RPP14: variants seen among roughly 807,000 people sequenced by gnomAD.
RPP14 encodes ribonuclease P protein subunit p14.
A neutral mutation model predicts 17.8 loss-of-function variants in RPP14; 19 were observed. That is an observed-to-expected ratio of 1.07 (90% CI 0.74 to 1.57). The LOEUF is 1.57. Ranked by LOEUF, RPP14 falls within the 40% of genes most tolerant of loss-of-function variation. The pLI, the probability that RPP14 is intolerant of heterozygous loss-of-function variation, is 0.00. For missense variants in RPP14, 125 were observed against 140.8 expected, an observed-to-expected ratio of 0.89 and a Z score of 0.57; for synonymous variants, 60 against 56.4, an observed-to-expected ratio of 1.06 and a Z score of -0.29.
At chr3:58,316,433 A>G in intron 3 of RPP14, 82 bp from the exon 4 acceptor site, 1 of 1,310,744 alleles carries the variant, frequency 7.6e-7, no homozygotes, top group South Asian at 1.2e-5. Context: ...GAAAAGCTCA[A>G]AACTCATTTG....
intron 3 of RPP14, among the ~76,000 whole-genome samples, chr3:58,312,573 T>A (rs1474390954): frequency 6.6e-6 from 1 of 152,166 alleles, no homozygotes; most frequent in African/African-American, 2.4e-5. Context: ...TGTAGCACAG[T>A]GCTACTCAAA....
At chr3:58,315,161 T>G (rs2097486969) in intron 3 of RPP14, among the ~76,000 whole-genome samples, 1 of 152,074 alleles carries the variant, frequency 6.6e-6, no homozygotes, top group Admixed American at 6.6e-5. Context: ...TATCCTTCAA[T>G]GGGTGAATAA....
intron 3 of RPP14, among the ~76,000 whole-genome samples, chr3:58,314,243 C>T (rs575572880): frequency 1.3e-5 from 2 of 152,190 alleles, no homozygotes; most frequent in South Asian, 2.1e-4. Context: ...CCCAGCTACT[C>T]GGGAGGTTAA....
Position 58,318,137 on chromosome 3 carries a change from A to G in RPP14, c.*641A>G, listed in dbSNP as rs947755126. 9.6e-6 allele frequency: 6 copies of G among 624,284 alleles called. No individual in the cohort carries two copies. Among genetic ancestry groups the G allele is most frequent in the East Asian group, 2.7e-5 (1 of 36,826 alleles). The allele number at this position is 624,284 out of a possible 1,614,324, so 38.7% of individuals were successfully genotyped here. ...AAATCCTGAAATAGATGTTTTAAAG[A>G]TGCAACCTCAAACACCAATGCTGTT... On this transcript the variant is annotated 3_prime_UTR_variant, in exon 6 of 6. Transcript: ENST00000295959.
chr3:58,310,661 G>A lies in RPP14; in HGVS notation c.162+70G>A, dbSNP rs1287395297. On this transcript the variant is annotated intron_variant, in intron 3 of 5. Coordinates refer to ENST00000295959, the MANE Select transcript of RPP14 (RefSeq NM_007042.6). The stretch of plus-strand genomic sequence containing the variant: ...AGAAATACAGAAAGAGGCCGGGCGC[G>A]GTAGCTCACGCCTGTAATCCCAGCA... 44 of 1,333,702 alleles carry A rather than the reference G, an allele frequency of 3.3e-5. 1 individual carries two copies. The highest frequency in any genetic ancestry group is 2.8e-4 in the East Asian group (12 of 43,210). 82.6% of individuals were successfully genotyped at this position (1,333,702 alleles called of 1,614,324 possible).
chr3:58,310,646 A>G (rs369201298), intron 3 of RPP14, 55 bp downstream of exon 3: 36 of 1,503,628 alleles, frequency 2.4e-5, no homozygotes, highest in East Asian at 2.3e-4. Flanking sequence ...AGAAATACAG[A>G]AAGAGGCCGG....
At chr3:58,306,885 G>C (rs1314803761) in intron 1 of RPP14, among the ~76,000 whole-genome samples, 2 of 152,310 alleles carry the variant, frequency 1.3e-5, no homozygotes, top group South Asian at 2.1e-4. Flanking sequence ...AGATAAACGA[G>C]TTACATAATT....
intron 1 of RPP14, among the ~76,000 whole-genome samples, chr3:58,308,527 CCAAA>C (rs2097478217): frequency 6.6e-6 from 1 of 152,028 alleles, no homozygotes; most frequent in African/African-American, 2.4e-5. Flanking sequence ...TCCTGGCCTC[CCAAA>C]CTGTTGAGAT....
chr3:58,315,236 A>G (rs958931923), intron 3 of RPP14, among the ~76,000 whole-genome samples: 12 of 152,218 alleles, frequency 7.9e-5, no homozygotes, highest in African/African-American at 2.9e-4. Context: ...TTTAGACACA[A>G]TATGAATGAA....
intron 1 of RPP14, among the ~76,000 whole-genome samples, chr3:58,306,922 A>G (rs1002329061): frequency 6.6e-6 from 1 of 152,222 alleles, no homozygotes; most frequent in Non-Finnish European, 1.5e-5. Flanking sequence ...AATGCTACGA[A>G]GAAGAAAGCA....
chr3:58,317,743 C>A lies in RPP14; in HGVS notation c.*247C>A. On this transcript the variant is annotated 3_prime_UTR_variant, in exon 6 of 6. Transcript: ENST00000295959. Reference sequence around the variant, plus strand: ...CATCAAAGTTGGAGACCGCGCTGAACTTAGGAGGGCCTTCACACAGACTGA... The same window carrying A: ...CATCAAAGTTGGAGACCGCGCTGAAATTAGGAGGGCCTTCACACAGACTGA... 2 of 703,396 alleles carry A rather than the reference C, an allele frequency of 2.8e-6. No homozygotes were observed. The highest frequency in any genetic ancestry group is 5.2e-6 in the Non-Finnish European group (2 of 385,000). 43.6% of individuals were successfully genotyped at this position (703,396 alleles called of 1,614,324 possible).
chr3:58,308,401 A>C, intron 1 of RPP14, among the ~76,000 whole-genome samples: 1 of 151,880 alleles, frequency 6.6e-6, no homozygotes, highest in East Asian at 1.9e-4. Context: ...CTCCCACCTC[A>C]GCCCCTGGAG....
rs776804765 is a variant in RPP14 at position 58,317,607 on chromosome 3, G to T, written c.*111G>T. On this transcript the variant is annotated 3_prime_UTR_variant, in exon 6 of 6. Coordinates refer to ENST00000295959, the MANE Select transcript of RPP14 (RefSeq NM_007042.6). ...AAAGCTCTTGATGAAATTTGAGGGTGCTGAAGATGTTCCCACTAATTTCCA... is the reference window on the plus strand; with the variant it reads ...AAAGCTCTTGATGAAATTTGAGGGTTCTGAAGATGTTCCCACTAATTTCCA... 4 of 797,920 alleles carry T rather than the reference G, an allele frequency of 5.0e-6. No homozygotes were observed. The Admixed American group carries it at 8.0e-5, about 16-fold the overall frequency. 49.4% of individuals were successfully genotyped at this position (797,920 alleles called of 1,614,324 possible).
chr3:58,315,136 T>G (rs1238065465), intron 3 of RPP14, among the ~76,000 whole-genome samples: 1 of 152,090 alleles, frequency 6.6e-6, no homozygotes, highest in Non-Finnish European at 1.5e-5. Flanking sequence ...ACAATGAAAC[T>G]GAAAACACCC....
At chr3:58,310,683 A>G in intron 3 of RPP14, 92 bp downstream of exon 3, 1 of 1,043,234 alleles carries the variant, frequency 9.6e-7, no homozygotes, top group Non-Finnish European at 1.4e-6. Context: ...CTGTAATCCC[A>G]GCACTTTGGA....
chr3:58,312,334 A>ACCGC lies in RPP14; in HGVS notation c.162+1745_162+1746insGCCC, dbSNP rs1488023508. ...TGGAGTGCAGTGGCACAACCTCCGC[A>ACCGC]CCCCCCCCCGCCCCTCCCGGATTCA... On this transcript the variant is annotated intron_variant, in intron 3 of 5. Coordinates refer to ENST00000295959, the MANE Select transcript of RPP14 (RefSeq NM_007042.6). Among the ~76,000 whole-genome samples, 20 of 69,702 alleles carry ACCGC rather than the reference A, an allele frequency of 2.9e-4. 1 individual carries two copies. The highest frequency in any genetic ancestry group is 1.5e-3 in the Admixed American group (9 of 5,840). The allele number at this position is 69,702 out of a possible 152,430, so 45.7% of individuals were successfully genotyped here.
At chr3:58,310,091 TCAGGAGTCTGAGG>T in intron 1 of RPP14, 1 of 522,316 alleles carries the variant, frequency 1.9e-6, no homozygotes, top group Non-Finnish European at 3.4e-6. Context: ...TCCCAGCTAC[TCAGGAGTCTGAGG>T]CAGGAGGATC....
At chr3:58,316,039 A>T (rs73835148) in intron 3 of RPP14, among the ~76,000 whole-genome samples, 6,915 of 152,060 alleles carry the variant, frequency 0.045, 543 homozygotes, top group African/African-American at 0.16. Context: ...CAAAATTTTA[A>T]AAAAAAATAT....
rs910144971 is a variant in RPP14 at position 58,310,112 on chromosome 3, A to G, written c.-21-197A>G. The G allele has an allele frequency of 5.5e-6, 3 of 550,370 alleles. No individual in the cohort carries two copies. In the African/African-American group the frequency reaches 5.7e-5, roughly 10 times the overall value. 34.1% of individuals were successfully genotyped at this position (550,370 alleles called of 1,614,324 possible). On this transcript the variant is annotated intron_variant, in intron 1 of 5. Coordinates refer to ENST00000295959, the MANE Select transcript of RPP14 (RefSeq NM_007042.6). Reference sequence around the variant, plus strand: ...CTACTCAGGAGTCTGAGGCAGGAGGATCACCTGAGCCTCGAGAGCCAGAGG... The same window carrying G: ...CTACTCAGGAGTCTGAGGCAGGAGGGTCACCTGAGCCTCGAGAGCCAGAGG...
Sources: gnomAD v4.1 joint callset for allele counts (sites outside exome capture counted in the v4.1 genomes callset) on GRCh38, gnomAD v4.1.1 for gene constraint, MANE v1.5 for transcripts, NCBI Gene and HGNC (gene_info 2026-07-23, HGNC 2026-07-21) for gene names.